Variants in VCAN observed in about 807,000 individuals in gnomAD.
VCAN encodes versican core protein.
VCAN carries 44 observed loss-of-function variants against 245.5 expected under a neutral mutation model. The ratio of observed to expected loss-of-function variants is 0.18; its 90% CI spans 0.14 to 0.23. VCAN has a LOEUF of 0.23. Among genes scored for constraint, VCAN ranks in the 10% least tolerant of loss-of-function variants. VCAN has a pLI of 1.00. For missense variants in VCAN, 3,793 were observed against 4,057.9 expected (o/e 0.93, Z 1.77); for synonymous variants, 1,413 against 1,437.0 (o/e 0.98, Z 0.38).
chr5:83,566,312 A>G (rs1748077306), intron 12 of VCAN, among the ~76,000 whole-genome samples: 1 of 152,278 alleles, frequency 6.6e-6, no homozygotes, highest in East Asian at 1.9e-4. Flanking sequence ...CCATCACTGC[A>G]TAAGGAAAAG....
At chr5:83,574,200 A>G (rs1748394417) in intron 13 of VCAN, among the ~76,000 whole-genome samples, 2 of 132,332 alleles carry the variant, frequency 1.5e-5, no homozygotes, top group Non-Finnish European at 1.7e-5. Context: ...CCCATCAACA[A>G]TGAGGGCAGA....
intron 4 of VCAN, 22 bp downstream of exon 4, chr5:83,493,742 G>T: frequency 4.3e-6 from 7 of 1,614,136 alleles, no homozygotes; most frequent in Non-Finnish European, 5.9e-6. Context: ...GGGGGCCACA[G>T]GCTTCATTAT....
intron 9 of VCAN, 152 bp downstream of exon 9, chr5:83,545,802 T>C (rs1747190529): frequency 4.1e-6 from 3 of 732,644 alleles, no homozygotes; most frequent in Non-Finnish European, 7.2e-6. Context: ...GGTAATTAAC[T>C]AGGGGCTGGA....
At position 83,520,347 on chromosome 5, in the gene VCAN, A is replaced by G; in HGVS notation, c.2041A>G (p.Thr681Ala). 2 of 1,613,030 alleles carry G rather than the reference A, an allele frequency of 1.2e-6. No individual in the cohort carries two copies. Among genetic ancestry groups the G allele is most frequent in the Non-Finnish European group, 8.5e-7 (1 of 1,179,642 alleles). Residue 681 changes from threonine to alanine, a missense_variant, in exon 7 of 15, where the codon ACA becomes GCA. Thr to Ala is a moderately conservative substitution (Grantham distance 58). Transcript: ENST00000265077. ...VIYPSLQTEM[T>A]HRRERTETLI... ...TTATCCTTCTCTACAAACAGAAATGACACATAGAAGAGAAAGAACAGAAAC... is the reference window on the plus strand; with the variant it reads ...TTATCCTTCTCTACAAACAGAAATGGCACATAGAAGAGAAAGAACAGAAAC...
chr5:83,479,150 C>T (rs1411129203), intron 1 of VCAN, among the ~76,000 whole-genome samples: 1 of 152,042 alleles, frequency 6.6e-6, no homozygotes, highest in Non-Finnish European at 1.5e-5. Flanking sequence ...AACCAGTGAG[C>T]AATATGATAT....
At chr5:83,525,227 A>G (rs554789916) in intron 7 of VCAN, among the ~76,000 whole-genome samples, 21 of 152,142 alleles carry the variant, frequency 1.4e-4, no homozygotes, top group African/African-American at 5.1e-4. Context: ...TGAGCTGAAA[A>G]ATGCTATGGG....
intron 1 of VCAN, among the ~76,000 whole-genome samples, chr5:83,478,524 A>G (rs908004624): frequency 6.6e-6 from 1 of 152,204 alleles, no homozygotes; most frequent in African/African-American, 2.4e-5. Context: ...TGCTTCTAAG[A>G]GCAAATATCT....
chr5:83,553,373 C>T lies in VCAN; in HGVS notation c.9503C>T (p.Thr3168Ile), dbSNP rs1747545206. The change falls in exon 11 of 15, where the codon ACA (threonine) becomes ATA (isoleucine). Residue 3168 changes from threonine (T) to isoleucine (I), a missense_variant. Physicochemically the swap from Thr to Ile is moderately conservative, Grantham distance 89 (BLOSUM62 -1). Around this residue, in one of 5 missense-constraint regions of VCAN, gnomAD observed 205 missense variants for 321.1 expected, o/e 0.64. Coordinates refer to ENST00000265077, the MANE Select transcript of VCAN (RefSeq NM_004385.5). Reference protein sequence around the residue: ...VGALCEQDTETCDYGWHKFQG... With the variant: ...VGALCEQDTEICDYGWHKFQG... ...GCCTGTTTCTTCTCAGATACCGAGA[C>T]ATGTGACTATGGCTGGCACAAATTC... is the stretch of plus-strand genomic sequence containing the variant. 6.2e-7 allele frequency: 1 copy of T among 1,614,032 alleles called. No homozygotes were observed. The highest frequency in any genetic ancestry group is 8.5e-7 in the Non-Finnish European group (1 of 1,179,960).
Position 83,537,775 on chromosome 5 carries a change from C to A in VCAN, c.4772C>A (p.Ala1591Glu), listed in dbSNP as rs774401171. 50 of 1,613,872 alleles carry A rather than the reference C, an allele frequency of 3.1e-5. No homozygotes were observed. In the South Asian group the frequency reaches 5.5e-4, roughly 18 times the overall value. ...ACTCCCACTATAGTTCCAAGTTCTG[C>A]ATCAGCATATGTTTCAGAGGAAGAA... is the stretch of plus-strand genomic sequence containing the variant. ...TYTPTIVPSS[A>E]SAYVSEEEAV... The change falls in exon 8 of 15, where the codon GCA becomes GAA. Residue 1591 changes from alanine (A) to glutamate (E), a missense_variant. Around this residue, in one of 5 missense-constraint regions of VCAN, gnomAD observed 3,182 missense variants for 3,250.3 expected, o/e 0.98. Transcript: ENST00000265077.
chr5:83,575,131 A>G (rs529676801), intron 13 of VCAN, among the ~76,000 whole-genome samples: 2 of 152,214 alleles, frequency 1.3e-5, no homozygotes, highest in Non-Finnish European at 2.9e-5. Flanking sequence ...ACTAAAAACC[A>G]TACTCTATAA....
intron 7 of VCAN, chr5:83,536,378 T>C (rs908708847): frequency 1.3e-5 from 2 of 152,090 alleles, no homozygotes; most frequent in African/African-American, 4.8e-5. Flanking sequence ...AGTGCCACAG[T>C]AGGTAGAGGA....
intron 5 of VCAN, among the ~76,000 whole-genome samples, chr5:83,502,749 G>GATA (rs1297553475): frequency 2.6e-5 from 4 of 151,132 alleles, no homozygotes; most frequent in Non-Finnish European, 5.9e-5. Flanking sequence ...GTAGACTATG[G>GATA]ATAATACTCT....
chr5:83,580,521 T>C lies in VCAN; in HGVS notation c.*87T>C. On this transcript the variant is annotated 3_prime_UTR_variant, in exon 15 of 15. Coordinates refer to ENST00000265077, the MANE Select transcript of VCAN (RefSeq NM_004385.5). Reference sequence around the variant, plus strand: ...TTCCTATCACCTCGAGAAGTAATTATCAGTTGGTTTGGATTTTTGGACCAC... The same window carrying C: ...TTCCTATCACCTCGAGAAGTAATTACCAGTTGGTTTGGATTTTTGGACCAC... 1 of 1,577,134 alleles carries C rather than the reference T, an allele frequency of 6.3e-7. No individual in the cohort carries two copies. The highest frequency in any genetic ancestry group is 8.6e-7 in the Non-Finnish European group (1 of 1,159,444).
rs1389027747 is a variant in VCAN, at chr5:83,521,766, T to C, written c.3460T>C (p.Leu1154=). Residue 1154 remains leucine, a synonymous_variant, in exon 7 of 15, where the codon TTG becomes CTG. Coordinates refer to ENST00000265077, the MANE Select transcript of VCAN (RefSeq NM_004385.5). Reference sequence around the variant, plus strand: ...TAGTACAACAGGATTTACATCATCTTTGAGTCCTTTTAGTACCCACATTAC... The same window carrying C: ...TAGTACAACAGGATTTACATCATCTCTGAGTCCTTTTAGTACCCACATTAC... ...GSSTTGFTSS[L]SPFSTHITQL... The C allele has an allele frequency of 1.9e-6, 3 of 1,614,198 alleles. No homozygotes were observed. The highest frequency in any genetic ancestry group is 2.2e-5 in the East Asian group (1 of 44,886).
intron 5 of VCAN, among the ~76,000 whole-genome samples, chr5:83,505,948 C>T (rs1436810360): frequency 1.3e-5 from 2 of 152,220 alleles, no homozygotes; most frequent in Non-Finnish European, 2.9e-5. Flanking sequence ...AAGCCACAGC[C>T]CAAGCTGTAC....
intron 9 of VCAN, among the ~76,000 whole-genome samples, chr5:83,547,410 T>C (rs1747269440): frequency 6.6e-6 from 1 of 152,228 alleles, no homozygotes; most frequent in Non-Finnish European, 1.5e-5. Context: ...CGTTGAAGAC[T>C]GCTGCCCTGG....
rs1207024614 is a variant in VCAN at position 83,520,252 on chromosome 5, A to G, written c.1946A>G (p.His649Arg). The change falls in exon 7 of 15, where the codon CAT becomes CGT. Residue 649 changes from histidine (H) to arginine (R), a missense_variant. His to Arg is a conservative substitution (Grantham distance 29). This residue lies in a region of VCAN where 3,182 missense variants were observed against 3,250.3 expected (regional missense o/e 0.98). Coordinates refer to ENST00000265077, the MANE Select transcript of VCAN (RefSeq NM_004385.5). ...YLSTTPFPSQHRTEIELFPYS... is the reference protein window; with the variant it reads ...YLSTTPFPSQRRTEIELFPYS... ...TCTACTACACCTTTTCCATCACAGC[A>G]TCGTACAGAAATAGAATTGTTTCCT... 6 of 1,613,912 alleles carry G rather than the reference A, an allele frequency of 3.7e-6. No homozygotes were observed. The African/African-American group carries it at 4.0e-5, about 11-fold the overall frequency.
intron 3 of VCAN, 38 bp from the exon 4 acceptor site, chr5:83,493,508 T>A (rs1745049245): frequency 6.2e-7 from 1 of 1,612,264 alleles, no homozygotes; most frequent in Non-Finnish European, 8.5e-7. Flanking sequence ...AGTGGGAGAT[T>A]TGAACAGGCT....
At chr5:83,490,604 C>A in intron 3 of VCAN, 132 bp downstream of exon 3, 1 of 1,345,524 alleles carries the variant, frequency 7.4e-7, no homozygotes, top group Non-Finnish European at 1.0e-6. Flanking sequence ...ATCCAGTAGT[C>A]CACGTCTTTC....
Sources: allele counts gnomAD v4.1 joint callset (sites outside exome capture counted in the v4.1 genomes callset), GRCh38; gene constraint gnomAD v4.1.1; regional missense constraint gnomAD v4.1.1; transcripts MANE v1.5; gene names NCBI Gene and HGNC (gene_info 2026-07-23, HGNC 2026-07-21).